TRPM7: variants seen among roughly 807,000 people sequenced by gnomAD.
The protein encoded by TRPM7 is transient receptor potential cation channel subfamily M member 7, also known as LTRPC ion channel family member 7.
Under a neutral mutation model 229.7 loss-of-function variants are expected in TRPM7, and 134 were observed. The observed-to-expected ratio is 0.58, with a 90% CI of 0.51 to 0.67. The LOEUF is 0.67. Among genes scored for constraint, TRPM7 ranks in the 30% least tolerant of loss-of-function variants. The pLI, the probability that TRPM7 is intolerant of heterozygous loss-of-function variation, is 0.00. For missense variants in TRPM7, 1,901 were observed against 2,210.0 expected (o/e 0.86, Z 2.80); for synonymous variants, 699 against 715.2 (o/e 0.98, Z 0.36).
chr15:50,660,283 T>C (rs1174578341), intron 2 of TRPM7, among the ~76,000 whole-genome samples: 13 of 152,056 alleles, frequency 8.5e-5, no homozygotes, highest in South Asian at 2.1e-4. Context: ...TATTAAAAAA[T>C]TGAGGGATAT....
intron 29 of TRPM7, 75 bp from the exon 30 acceptor site, chr15:50,580,983 CTTTT>C (rs1000873724): frequency 1.4e-6 from 2 of 1,450,930 alleles, no homozygotes; most frequent in South Asian, 1.4e-5. Flanking sequence ...AACGGTTTAA[CTTTT>C]TTTCTTATAT....
intron 36 of TRPM7, 99 bp downstream of exon 36, chr15:50,574,175 A>G: frequency 1.0e-6 from 1 of 975,366 alleles, no homozygotes; most frequent in Non-Finnish European, 1.6e-6. Context: ...TATTGGCCTA[A>G]GATTTTATTT....
At chr15:50,597,059 T>C (rs1384201672) in intron 22 of TRPM7, among the ~76,000 whole-genome samples, 4 of 152,236 alleles carry the variant, frequency 2.6e-5, no homozygotes, top group Admixed American at 6.5e-5. Context: ...GGTTGACTCA[T>C]AGCAAAACAT....
chr15:50,585,050 A>ATTTTTTTTTTTTTT (rs755433337), intron 28 of TRPM7, among the ~76,000 whole-genome samples: 1 of 95,060 alleles, frequency 1.1e-5, no homozygotes, highest in African/African-American at 4.1e-5. Context: ...TAATTTTTGT[A>ATTTTTTTTTTTTTT]TTTTTTTTTT....
intron 1 of TRPM7, among the ~76,000 whole-genome samples, chr15:50,672,977 GT>G (rs2062023112): frequency 2.0e-5 from 3 of 148,704 alleles, no homozygotes; most frequent in Admixed American, 1.3e-4. Flanking sequence ...TGTACAATGT[GT>G]TTTATACGAA....
chr15:50,594,645 CTT>C, intron 23 of TRPM7, 32 bp from the exon 24 acceptor site: 1 of 1,417,276 alleles, frequency 7.1e-7, no homozygotes, highest in East Asian at 2.4e-5. Flanking sequence ...ATAAAATAAA[CTT>C]TGTTAATCAT....
chr15:50,649,164 G>A (rs1486430172), intron 3 of TRPM7, among the ~76,000 whole-genome samples: 4 of 152,074 alleles, frequency 2.6e-5, no homozygotes, highest in East Asian at 1.9e-4. Flanking sequence ...TATTTACACC[G>A]GCTGTGGCTC....
At chr15:50,570,303 C>G in intron 36 of TRPM7, 148 bp from the exon 37 acceptor site, 1 of 598,206 alleles carries the variant, frequency 1.7e-6, no homozygotes, top group Non-Finnish European at 2.8e-6. Flanking sequence ...TGTAGTTCTT[C>G]TCTTTTGATA....
intron 5 of TRPM7, among the ~76,000 whole-genome samples, chr15:50,640,034 T>C (rs1347740957): frequency 6.6e-6 from 1 of 152,080 alleles, no homozygotes; most frequent in Non-Finnish European, 1.5e-5. Flanking sequence ...AAAACACATA[T>C]AACACTAAAT....
In TRPM7 at chr15:50,634,544, C is replaced by A. The variant is rs763457373; in HGVS notation, c.845G>T (p.Gly282Val). 2.1e-6 allele frequency: 3 copies of A among 1,458,748 alleles called. No homozygotes were observed. Among genetic ancestry groups the A allele is most frequent in the Non-Finnish European group, 1.8e-6 (2 of 1,106,160 alleles). 90.4% of individuals were successfully genotyped at this position (1,458,748 alleles called of 1,614,324 possible). Reference protein sequence around the residue: ...QQRIHARIGQGVPVVALIFEG... With the variant: ...QQRIHARIGQVVPVVALIFEG... The stretch of plus-strand genomic sequence containing the variant: ...AAATATAAGTGCCACCACAGGGACA[C>A]CCTGGCCAATCCCTAAAAAGAGCAA... The change falls in exon 8 of 39, where the codon GGT becomes GTT. Residue 282 changes from glycine (G) to valine (V), a missense_variant. Physicochemically the swap from Gly to Val is moderately radical, Grantham distance 109. Transcript: ENST00000646667.
At chr15:50,676,670 A>C (rs1286489965) in intron 1 of TRPM7, among the ~76,000 whole-genome samples, 2 of 152,128 alleles carry the variant, frequency 1.3e-5, no homozygotes, top group African/African-American at 4.8e-5. Context: ...AATGGTATTG[A>C]GTGAGTTTCC....
rs560116670 is a variant in TRPM7, at chr15:50,654,626, T to C, written c.122+3155A>G. Among the ~76,000 whole-genome samples the C allele has an allele frequency of 4.1e-4, 62 of 151,342 alleles. 3 individuals carry two copies. The highest frequency in any genetic ancestry group is 4.9e-4 in the Non-Finnish European group (33 of 67,648). On this transcript the variant is annotated intron_variant, in intron 3 of 38. Coordinates refer to ENST00000646667, the MANE Select transcript of TRPM7 (RefSeq NM_017672.6). ...TCATAATGAGAGTGCACATGGTGCATCTCAGCAGTAAAATGGAAACTATAA... is the reference window on the plus strand; with the variant it reads ...TCATAATGAGAGTGCACATGGTGCACCTCAGCAGTAAAATGGAAACTATAA...
At position 50,591,547 on chromosome 15, in the gene TRPM7, G is replaced by T. The variant is rs375858546; in HGVS notation, c.4324+364C>A. Among the ~76,000 whole-genome samples, 6 of 147,512 alleles carry T rather than the reference G, an allele frequency of 4.1e-5. No individual in the cohort carries two copies. In the South Asian group the frequency reaches 1.1e-3, roughly 26 times the overall value. ...GGTCTCATTCTGTCACACAGGCTAT[G>T]GTGCAGTTGTGTGATCACAGCCCAC... On this transcript the variant is annotated intron_variant, in intron 26 of 38. Coordinates refer to ENST00000646667, the MANE Select transcript of TRPM7 (RefSeq NM_017672.6).
intron 29 of TRPM7, 84 bp from the exon 30 acceptor site, chr15:50,580,992 T>C: frequency 1.4e-6 from 2 of 1,424,974 alleles, no homozygotes; most frequent in East Asian, 2.3e-5. Context: ...ACTTTTTTTC[T>C]TATATTTTAA....
chr15:50,684,597 C>T (rs1219627056), intron 1 of TRPM7, among the ~76,000 whole-genome samples: 9 of 151,786 alleles, frequency 5.9e-5, no homozygotes, highest in African/African-American at 2.2e-4. Flanking sequence ...GCCGAGATCG[C>T]TACACTGCAC....
intron 2 of TRPM7, among the ~76,000 whole-genome samples, chr15:50,659,997 T>A (rs8030066): frequency 0.59 from 89,668 of 152,020 alleles, 26,732 homozygotes; most frequent in African/African-American, 0.66. Context: ...AAGCAAAACA[T>A]CAATTTCTCC....
intron 29 of TRPM7, chr15:50,582,418 T>C (rs2054466064): frequency 6.6e-6 from 1 of 152,220 alleles, no homozygotes; most frequent in Admixed American, 6.5e-5. Flanking sequence ...TCCACTATCT[T>C]ATCAGAAATC....
intron 20 of TRPM7, 25 bp downstream of exon 20, chr15:50,607,175 T>C: frequency 2.5e-6 from 4 of 1,591,856 alleles, no homozygotes; most frequent in Non-Finnish European, 3.4e-6. Context: ...AGTAAATTAT[T>C]GGTAGAAAAA....
chr15:50,606,326 C>G (rs1013125282), intron 20 of TRPM7, among the ~76,000 whole-genome samples: 8 of 151,886 alleles, frequency 5.3e-5, no homozygotes, highest in African/African-American at 1.9e-4. Flanking sequence ...TTGCAGTGAG[C>G]TGAGATTGTG....
Sources: gnomAD v4.1 joint callset for allele counts (sites outside exome capture counted in the v4.1 genomes callset) on GRCh38, gnomAD v4.1.1 for gene constraint, MANE v1.5 for transcripts, NCBI Gene and HGNC (gene_info 2026-07-23, HGNC 2026-07-21) for gene names.